TNRC6A: variants seen among roughly 807,000 people sequenced by gnomAD.
The protein encoded by TNRC6A is trinucleotide repeat containing adaptor 6A.
TNRC6A carries 44 observed loss-of-function variants against 221.2 expected under a neutral mutation model. The ratio of observed to expected loss-of-function variants is 0.20; its 90% CI spans 0.16 to 0.26. The LOEUF (loss-of-function observed/expected upper bound fraction) is 0.26. Ranked by LOEUF, TNRC6A falls within the 10% of genes least tolerant of loss-of-function variation. TNRC6A has a pLI of 1.00. For synonymous variants in TNRC6A, 847 were observed against 838.5 expected, an observed-to-expected ratio of 1.01 and a Z score of -0.18; for missense variants, 2,199 against 2,404.4, an observed-to-expected ratio of 0.91 and a Z score of 1.79.
At chr16:24,653,511 C>T (rs1902778839) in intron 2 of TNRC6A, among the ~76,000 whole-genome samples, 1 of 152,198 alleles carries the variant, frequency 6.6e-6, no homozygotes, top group Non-Finnish European at 1.5e-5. Context: ...CGCGGTGGCT[C>T]ATGCCTGTAA....
At chr16:24,793,948 T>C (rs1376905315) in intron 7 of TNRC6A, among the ~76,000 whole-genome samples, 1 of 152,212 alleles carries the variant, frequency 6.6e-6, no homozygotes, top group Non-Finnish European at 1.5e-5. Flanking sequence ...GCAACTTTCA[T>C]GCCATCCAGC....
chr16:24,771,140 A>G (rs959651761), intron 4 of TNRC6A, among the ~76,000 whole-genome samples: 1 of 152,092 alleles, frequency 6.6e-6, no homozygotes, highest in Non-Finnish European at 1.5e-5. Flanking sequence ...AAATAGAACA[A>G]TTTTTTTTAA....
chr16:24,762,026 A>G (rs1443131503), intron 4 of TNRC6A, among the ~76,000 whole-genome samples: 1 of 152,180 alleles, frequency 6.6e-6, no homozygotes, highest in East Asian at 1.9e-4. Context: ...GGTATCTTCC[A>G]AAGAGTAATA....
chr16:24,699,653 AG>A (rs1276553284), intron 2 of TNRC6A, among the ~76,000 whole-genome samples: 1 of 151,452 alleles, frequency 6.6e-6, no homozygotes, highest in African/African-American at 2.4e-5. Context: ...TAGGATTCCA[AG>A]GCTGCAGTGA....
intron 1 of TNRC6A, among the ~76,000 whole-genome samples, chr16:24,632,042 G>T (rs12923605): frequency 0.66 from 99,556 of 151,562 alleles, 33,492 homozygotes; most frequent in African/African-American, 0.78. Flanking sequence ...TAATAGACAG[G>T]GTCCTGCTAT....
intron 1 of TNRC6A, among the ~76,000 whole-genome samples, chr16:24,624,051 T>TA (rs2141619563): frequency 6.6e-6 from 1 of 151,794 alleles, no homozygotes; most frequent in Non-Finnish European, 1.5e-5. Context: ...GTAGGTCACA[T>TA]ACGCGGCTCT....
At chr16:24,648,497 C>G (rs1355182757) in intron 2 of TNRC6A, among the ~76,000 whole-genome samples, 1 of 152,002 alleles carries the variant, frequency 6.6e-6, no homozygotes, top group Admixed American at 6.6e-5. Context: ...GTCTCGATCT[C>G]CTGACCTCAT....
intron 17 of TNRC6A, among the ~76,000 whole-genome samples, chr16:24,807,250 C>T (rs1328548807): frequency 1.3e-5 from 2 of 152,206 alleles, no homozygotes; most frequent in African/African-American, 4.8e-5. Flanking sequence ...GGTGATCTGC[C>T]TGCCTTGGCC....
chr16:24,822,832 G>A (rs377469738), intron 23 of TNRC6A, 42 bp from the exon 24 acceptor site: 93 of 1,611,216 alleles, frequency 5.8e-5, no homozygotes, highest in South Asian at 8.8e-5. Flanking sequence ...TGGAGGGCCC[G>A]CGGTGACGCC....
intron 1 of TNRC6A, among the ~76,000 whole-genome samples, chr16:24,634,717 G>C (rs1330062048): frequency 6.6e-6 from 1 of 152,110 alleles, no homozygotes; most frequent in Non-Finnish European, 1.5e-5. Context: ...CTTCATTCGG[G>C]GATTCCAGAT....
intron 2 of TNRC6A, among the ~76,000 whole-genome samples, chr16:24,644,080 A>AGTTTTT (rs1902141316): frequency 3.8e-5 from 2 of 52,968 alleles, no homozygotes; most frequent in African/African-American, 2.0e-4. Flanking sequence ...TCTTATCTTT[A>AGTTTTT]ATTTTTTTTT....
Position 24,730,235 on chromosome 16 carries a change from T to C in TNRC6A, c.6-18T>C, listed in dbSNP as rs1405439307. The C allele has an allele frequency of 7.5e-6, 12 of 1,599,946 alleles. No individual in the cohort carries two copies. Among genetic ancestry groups the C allele is most frequent in the Non-Finnish European group, 1.0e-5 (12 of 1,176,580 alleles). Reference sequence around the variant, plus strand: ...TGTGTGTTTTTGTTTTGTTTTTGTTTTTGTTTTTTTGTTTCAGAGAATTGG... The same window carrying C: ...TGTGTGTTTTTGTTTTGTTTTTGTTCTTGTTTTTTTGTTTCAGAGAATTGG... On this transcript the variant is annotated intron_variant, in intron 1 of 24. Coordinates refer to ENST00000395799, the MANE Select transcript of TNRC6A (RefSeq NM_014494.4).
chr16:24,660,008 G>A (rs1217556447), intron 2 of TNRC6A, among the ~76,000 whole-genome samples: 5 of 152,026 alleles, frequency 3.3e-5, no homozygotes, highest in African/African-American at 1.2e-4. Context: ...ATAGTCATAT[G>A]TTAGTCTTGG....
At chr16:24,749,754 C>T (rs1009644481) in intron 2 of TNRC6A, among the ~76,000 whole-genome samples, 1 of 152,178 alleles carries the variant, frequency 6.6e-6, no homozygotes, top group Non-Finnish European at 1.5e-5. Context: ...AACACATTTG[C>T]GCAGTCTGTC....
At chr16:24,746,910 T>C (rs1218953036) in intron 2 of TNRC6A, among the ~76,000 whole-genome samples, 1 of 152,206 alleles carries the variant, frequency 6.6e-6, no homozygotes. Flanking sequence ...ACTCTCACTA[T>C]GTTGCCCATT....
intron 4 of TNRC6A, among the ~76,000 whole-genome samples, chr16:24,775,019 G>A (rs1184491198): frequency 6.6e-6 from 1 of 152,132 alleles, no homozygotes; most frequent in Non-Finnish European, 1.5e-5. Context: ...GAATCTGTGG[G>A]TGGGGCACAC....
At chr16:24,671,648 G>A (rs2055305073) in intron 2 of TNRC6A, among the ~76,000 whole-genome samples, 1 of 152,102 alleles carries the variant, frequency 6.6e-6, no homozygotes, top group Admixed American at 6.6e-5. Context: ...AACACCCCGA[G>A]GAAACAATCA....
chr16:24,820,447 C>A, intron 22 of TNRC6A, 87 bp downstream of exon 22: 1 of 1,213,148 alleles, frequency 8.2e-7, no homozygotes. Flanking sequence ...GAGACCTGAA[C>A]GGTAAACTAT....
chr16:24,623,019 C>A (rs1373316498), intron 1 of TNRC6A, among the ~76,000 whole-genome samples: 1 of 152,112 alleles, frequency 6.6e-6, no homozygotes, highest in Non-Finnish European at 1.5e-5. Context: ...TAAGATGGTG[C>A]AGTTTGGAAG....
Sources: gnomAD v4.1 joint callset for allele counts (sites outside exome capture counted in the v4.1 genomes callset) on GRCh38, gnomAD v4.1.1 for gene constraint, MANE v1.5 for transcripts, NCBI Gene and HGNC (gene_info 2026-07-23, HGNC 2026-07-21) for gene names.